ATRNL1: variants seen among roughly 807,000 people sequenced by gnomAD.
ATRNL1 encodes the protein attractin-like protein 1.
ATRNL1 carries 95 observed loss-of-function variants against 182.7 expected under a neutral mutation model. The ratio of observed to expected loss-of-function variants is 0.52; its 90% CI spans 0.44 to 0.62. ATRNL1 has a LOEUF of 0.62. Ranked by LOEUF, ATRNL1 falls within the 20% of genes least tolerant of loss-of-function variation. ATRNL1 has a pLI of 0.00. For missense variants in ATRNL1, 1,471 were observed against 1,679.5 expected (o/e 0.88, Z 2.17); for synonymous variants, 576 against 568.3 (o/e 1.01, Z -0.19).
At chr10:115,909,639 A>T (rs1271582155) in intron 28 of ATRNL1, 2 of 104,072 alleles carry the variant, frequency 1.9e-5, no homozygotes, top group African/African-American at 5.7e-5. Flanking sequence ...AAAAAAAAAA[A>T]AAAAAAGACG....
intron 27 of ATRNL1, among the ~76,000 whole-genome samples, chr10:115,760,436 T>G (rs2134142816): frequency 6.6e-6 from 1 of 152,236 alleles, no homozygotes; most frequent in African/African-American, 2.4e-5. Context: ...TAACTAATTT[T>G]AAACATTCCT....
chr10:115,812,165 AT>A (rs1555087146), intron 27 of ATRNL1, among the ~76,000 whole-genome samples: 3 of 152,038 alleles, frequency 2.0e-5, no homozygotes, highest in African/African-American at 7.2e-5. Context: ...TTATATATTT[AT>A]ATTTAAAAAT....
intron 10 of ATRNL1, among the ~76,000 whole-genome samples, chr10:115,243,501 A>G (rs1850507941): frequency 6.6e-6 from 1 of 152,072 alleles, no homozygotes; most frequent in Non-Finnish European, 1.5e-5. Context: ...AGAAGATTAA[A>G]CAGATGAGAG....
chr10:115,831,220 A>G (rs1369734787), intron 27 of ATRNL1, among the ~76,000 whole-genome samples: 1 of 152,028 alleles, frequency 6.6e-6, no homozygotes, highest in Admixed American at 6.6e-5. Context: ...CCGGGAGAGA[A>G]TGAGCATGTG....
At chr10:115,411,293 A>G (rs1554959860) in intron 20 of ATRNL1, among the ~76,000 whole-genome samples, 2 of 151,004 alleles carry the variant, frequency 1.3e-5, no homozygotes, top group East Asian at 1.9e-4. Context: ...TAAAATTTTA[A>G]TTTAAACATT....
intron 8 of ATRNL1, among the ~76,000 whole-genome samples, chr10:115,212,290 G>GT (rs1213187248): frequency 8.3e-5 from 11 of 132,866 alleles, no homozygotes; most frequent in Admixed American, 7.6e-5. Flanking sequence ...TGTTATTGTA[G>GT]TTTTTTTTTA....
intron 7 of ATRNL1, among the ~76,000 whole-genome samples, chr10:115,169,732 A>G (rs1554885096): frequency 6.6e-6 from 1 of 152,088 alleles, no homozygotes; most frequent in Admixed American, 6.6e-5. Flanking sequence ...CAATTTGGAG[A>G]GTATTATCTT....
In ATRNL1 at chr10:115,587,609, G is replaced by A. The variant is rs1400469880; in HGVS notation, c.3795+38073G>A. ...TCCCGAGTGAGGCAATGCCTCGCCC[G>A]CTTCGGCTCGCGCATGGTGCGTGCA... On this transcript the variant is annotated intron_variant, in intron 26 of 28. Coordinates refer to ENST00000355044, the MANE Select transcript of ATRNL1 (RefSeq NM_207303.4). Among the ~76,000 whole-genome samples, 7 of 44,674 alleles carry A rather than the reference G, an allele frequency of 1.6e-4. No homozygotes were observed. In the Admixed American group the frequency reaches 1.8e-3, roughly 11 times the overall value. 29.3% of individuals were successfully genotyped at this position (44,674 alleles called of 152,430 possible).
intron 26 of ATRNL1, among the ~76,000 whole-genome samples, chr10:115,557,764 C>T (rs1203751197): frequency 6.6e-6 from 1 of 152,030 alleles, no homozygotes; most frequent in Admixed American, 6.6e-5. Flanking sequence ...AACAAACAAC[C>T]GACTGGGCAC....
intron 26 of ATRNL1, among the ~76,000 whole-genome samples, chr10:115,714,238 A>C (rs1555055669): frequency 2.0e-5 from 3 of 152,158 alleles, no homozygotes; most frequent in African/African-American, 7.2e-5. Flanking sequence ...TCCTTAGTTC[A>C]GCTAAAAATG....
rs2134337609 is a variant in ATRNL1, at chr10:115,840,867, C to T, written c.3904-7010C>T. Reference sequence around the variant, plus strand: ...CTGAAAAAAAAAGCCTAAGTCTGGGCATGAGCAAGATGGGAAGTGACTGAT... The same window carrying T: ...CTGAAAAAAAAAGCCTAAGTCTGGGTATGAGCAAGATGGGAAGTGACTGAT... On this transcript the variant is annotated intron_variant, in intron 27 of 28. Coordinates refer to ENST00000355044, the MANE Select transcript of ATRNL1 (RefSeq NM_207303.4). Among the ~76,000 whole-genome samples, 4 of 151,970 alleles carry T rather than the reference C, an allele frequency of 2.6e-5. 1 individual carries two copies. The highest frequency in any genetic ancestry group is 2.6e-4 in the Admixed American group (4 of 15,236).
chr10:115,785,782 G>T (rs534276647), intron 27 of ATRNL1, among the ~76,000 whole-genome samples: 1 of 152,042 alleles, frequency 6.6e-6, no homozygotes, highest in African/African-American at 2.4e-5. Flanking sequence ...CTTCCCTCTC[G>T]CATTTTACCA....
chr10:115,185,597 T>C (rs1433807537), intron 8 of ATRNL1, among the ~76,000 whole-genome samples: 1 of 152,042 alleles, frequency 6.6e-6, no homozygotes, highest in Non-Finnish European at 1.5e-5. Flanking sequence ...GGATGCAGAC[T>C]GTCATAGCTG....
In ATRNL1 at chr10:115,539,461, T is replaced by C. The variant is rs1196306323; in HGVS notation, c.3717-9997T>C. The stretch of plus-strand genomic sequence containing the variant: ...GGCAGAGCAGAGAAGAACACCAGAA[T>C]TCAAAGTACTGGTGAACCATCTAGA... On this transcript the variant is annotated intron_variant, in intron 25 of 28. Coordinates refer to ENST00000355044, the MANE Select transcript of ATRNL1 (RefSeq NM_207303.4). 4.6e-5 allele frequency among the ~76,000 whole-genome samples: 7 copies of C among 152,286 alleles called. No individual in the cohort carries two copies. The South Asian group carries it at 1.2e-3, about 27-fold the overall frequency.
rs149661597 is a variant in ATRNL1 at position 115,823,091 on chromosome 10, G to T, written c.3904-24786G>T. On this transcript the variant is annotated intron_variant, in intron 27 of 28. Coordinates refer to ENST00000355044, the MANE Select transcript of ATRNL1 (RefSeq NM_207303.4). Reference sequence around the variant, plus strand: ...CAAAAAGCTTATTCACCACGATCAAGTCAGCTTTATCCCTGGGCTGCAAGT... The same window carrying T: ...CAAAAAGCTTATTCACCACGATCAATTCAGCTTTATCCCTGGGCTGCAAGT... 3.6e-3 allele frequency among the ~76,000 whole-genome samples: 554 copies of T among 152,278 alleles called. 4 individuals carry two copies. Among genetic ancestry groups the T allele is most frequent in the Middle Eastern group, 0.017 (5 of 294 alleles).
chr10:115,815,870 T>C (rs1555088413), intron 27 of ATRNL1, among the ~76,000 whole-genome samples: 2 of 152,086 alleles, frequency 1.3e-5, no homozygotes, highest in Non-Finnish European at 2.9e-5. Context: ...ATAATTCTTT[T>C]TAAAAATCAC....
chr10:115,439,973 G>T (rs906943236), intron 21 of ATRNL1, among the ~76,000 whole-genome samples: 1 of 151,820 alleles, frequency 6.6e-6, no homozygotes. Context: ...AGGGAGAGCT[G>T]TTCCTTCTCC....
intron 26 of ATRNL1, among the ~76,000 whole-genome samples, chr10:115,560,698 T>A (rs1290975525): frequency 6.8e-6 from 1 of 148,028 alleles, no homozygotes; most frequent in African/African-American, 2.4e-5. Flanking sequence ...CAAAGGGCCC[T>A]AAACAGCAAA....
intron 26 of ATRNL1, among the ~76,000 whole-genome samples, chr10:115,578,159 T>A (rs1164522836): frequency 2.6e-5 from 4 of 151,720 alleles, no homozygotes; most frequent in East Asian, 1.9e-4. Flanking sequence ...GTTTGCGAGT[T>A]TTTTGTTGAA....
Sources: gnomAD v4.1 joint callset for allele counts (sites outside exome capture counted in the v4.1 genomes callset) on GRCh38, gnomAD v4.1.1 for gene constraint, MANE v1.5 for transcripts, NCBI Gene and HGNC (gene_info 2026-07-23, HGNC 2026-07-21) for gene names.